The following ABCC8 variants were observed in gnomAD, a reference collection of about 807,000 sequenced individuals.
The protein encoded by ABCC8 is ATP-binding cassette sub-family C member 8.
A neutral mutation model predicts 188.0 loss-of-function variants in ABCC8; 137 were observed. That is an observed-to-expected ratio of 0.73 (90% CI 0.63 to 0.84). ABCC8 has a LOEUF of 0.84. Ranked by LOEUF, ABCC8 falls within the 40% of genes least tolerant of loss-of-function variation. ABCC8 has a pLI of 0.00. For synonymous variants in ABCC8, 797 were observed against 846.5 expected (o/e 0.94, Z 1.01); for missense variants, 1,750 against 2,072.7 (o/e 0.84, Z 3.02).
intron 6 of ABCC8, among the ~76,000 whole-genome samples, chr11:17,454,555 T>A (rs867479225): frequency 1.2e-4 from 18 of 151,664 alleles, no homozygotes; most frequent in Middle Eastern, 6.8e-3. Context: ...AGGGCAGGGG[T>A]GGGCTGGAAG....
At chr11:17,422,286 A>G (rs527807620) in intron 16 of ABCC8, among the ~76,000 whole-genome samples, 1 of 152,302 alleles carries the variant, frequency 6.6e-6, no homozygotes, top group East Asian at 1.9e-4. Flanking sequence ...CCTAGCCACT[A>G]TAAGGAGCTG....
At chr11:17,394,708 C>T (rs919893038) in intron 36 of ABCC8, among the ~76,000 whole-genome samples, 15 of 152,110 alleles carry the variant, frequency 9.9e-5, no homozygotes, top group African/African-American at 3.6e-4. Flanking sequence ...TAGGGTGATT[C>T]ATTGAAACCA....
At chr11:17,416,511 A>G (rs1955080927) in intron 17 of ABCC8, among the ~76,000 whole-genome samples, 1 of 152,166 alleles carries the variant, frequency 6.6e-6, no homozygotes, top group Non-Finnish European at 1.5e-5. Flanking sequence ...TGAAACTAAA[A>G]GTACGTTCAC....
Position 17,430,875 on chromosome 11 carries a change from A to C in ABCC8, c.1756T>G (p.Leu586Val). The change falls in exon 12 of 39, where the codon TTG (leucine) becomes GTG (valine). Residue 586 changes from leucine (L) to valine (V), a missense_variant. Leu to Val is a conservative substitution (Grantham distance 32). Coordinates refer to ENST00000389817, the MANE Select transcript of ABCC8 (RefSeq NM_000352.6). ...AFASLSLFHI[L>V]VTPLFLLSSV... ...GACAGCAGGAACAGCGGTGTGACCA[A>C]GATATGGAAGAGGGAGAGGGAGGCA... 1 of 1,614,222 alleles carries C rather than the reference A, an allele frequency of 6.2e-7. No individual in the cohort carries two copies. Among genetic ancestry groups the C allele is most frequent in the South Asian group, 1.1e-5 (1 of 91,086 alleles).
intron 8 of ABCC8, among the ~76,000 whole-genome samples, chr11:17,446,450 A>C (rs146290466): frequency 6.6e-6 from 1 of 152,160 alleles, no homozygotes; most frequent in Non-Finnish European, 1.5e-5. Flanking sequence ...GTTTCAAAAA[A>C]AAAATTGTGT....
intron 16 of ABCC8, among the ~76,000 whole-genome samples, chr11:17,422,667 AGTCT>A (rs1049636596): frequency 6.6e-6 from 1 of 152,048 alleles, no homozygotes; most frequent in Non-Finnish European, 1.5e-5. Context: ...CCCTTCCTAC[AGTCT>A]GTCTGTCTTT....
chr11:17,449,117 G>A (rs1002915727), intron 7 of ABCC8, among the ~76,000 whole-genome samples: 1 of 152,112 alleles, frequency 6.6e-6, no homozygotes, highest in Non-Finnish European at 1.5e-5. Flanking sequence ...TAGCAGAGAT[G>A]GGGTTTTGCC....
At chr11:17,454,478 C>A (rs1342164229) in intron 6 of ABCC8, among the ~76,000 whole-genome samples, 1 of 152,096 alleles carries the variant, frequency 6.6e-6, no homozygotes. Flanking sequence ...GAAGGCCCTA[C>A]CGAGGCTCTC....
chr11:17,449,591 A>C (rs1956679865), intron 7 of ABCC8, among the ~76,000 whole-genome samples: 1 of 152,214 alleles, frequency 6.6e-6, no homozygotes, highest in African/African-American at 2.4e-5. Context: ...GTGCAGAGTG[A>C]TCATGACTCG....
At chr11:17,397,957 G>C (rs960400299) in intron 30 of ABCC8, 160 bp from the exon 31 acceptor site, 2 of 922,006 alleles carry the variant, frequency 2.2e-6, no homozygotes, top group African/African-American at 1.8e-5. Context: ...GGCTGCGAAG[G>C]CTGGAGCCCC....
chr11:17,433,340 A>G (rs1955932600), intron 10 of ABCC8, among the ~76,000 whole-genome samples: 1 of 152,270 alleles, frequency 6.6e-6, no homozygotes, highest in Non-Finnish European at 1.5e-5. Context: ...GTCAGGAGCC[A>G]GAAGCCAGAG....
At chr11:17,474,538 G>C (rs1848652025) in intron 2 of ABCC8, among the ~76,000 whole-genome samples, 1 of 93,900 alleles carries the variant, frequency 1.1e-5, no homozygotes, top group Non-Finnish European at 2.2e-5. Context: ...TGGGTGGCAT[G>C]GTTAGATTTT....
At chr11:17,397,655 C>G in intron 31 of ABCC8, 29 bp downstream of exon 31, 1 of 1,605,994 alleles carries the variant, frequency 6.2e-7, no homozygotes, top group Non-Finnish European at 8.5e-7. Flanking sequence ...TGTCTGACCC[C>G]TCCTCTGCCC....
intron 6 of ABCC8, among the ~76,000 whole-genome samples, chr11:17,458,334 T>C (rs1240098566): frequency 6.6e-6 from 1 of 152,126 alleles, no homozygotes; most frequent in Non-Finnish European, 1.5e-5. Context: ...GGTTTGTGTA[T>C]AAACAAAGAG....
Position 17,407,419 on chromosome 11 carries a change from G to T in ABCC8, c.2855C>A (p.Pro952His). ...GGACATGGCACGAGATAGGCCCTGG[G>T]GTGGCTCTGTGGCTTTTCTCTCTGT... ...TVTERKATEP[P>H]QGLSRAMSSR... is the part of the protein sequence containing the mutation. The change falls in exon 24 of 39, where the codon CCC becomes CAC. Residue 952 changes from proline to histidine, a missense_variant. Pro to His is a moderately conservative substitution (Grantham distance 77). Transcript: ENST00000389817. 1.9e-6 allele frequency: 3 copies of T among 1,614,120 alleles called. No individual in the cohort carries two copies. The highest frequency in any genetic ancestry group is 1.6e-4 in the Middle Eastern group (1 of 6,062).
At chr11:17,442,982 T>C (rs953701470) in intron 9 of ABCC8, 100 bp from the exon 10 acceptor site, 9 of 1,584,714 alleles carry the variant, frequency 5.7e-6, no homozygotes, top group Admixed American at 5.0e-5. Flanking sequence ...GCCCGCCTCC[T>C]GTCCTCACCG....
rs1385582019 is a variant in ABCC8, at chr11:17,434,626, C to T, written c.1631-2382G>A. ...TGGGGGAGATTTTGCAGTCAGAAAA[C>T]GTGATAATTGACACTTCATTCTACT... On this transcript the variant is annotated intron_variant, in intron 10 of 38. Coordinates refer to ENST00000389817, the MANE Select transcript of ABCC8 (RefSeq NM_000352.6). 5.3e-5 allele frequency among the ~76,000 whole-genome samples: 8 copies of T among 152,128 alleles called. No individual in the cohort carries two copies. In the East Asian group the frequency reaches 7.7e-4, roughly 15 times the overall value.
intron 36 of ABCC8, 100 bp from the exon 37 acceptor site, chr11:17,394,499 G>A: frequency 2.5e-6 from 4 of 1,583,910 alleles, no homozygotes; most frequent in South Asian, 1.1e-5. Context: ...ATGTGTGCAT[G>A]GGGGCAAATA....
chr11:17,455,455 T>G (rs1252315692), intron 6 of ABCC8, among the ~76,000 whole-genome samples: 1 of 152,206 alleles, frequency 6.6e-6, no homozygotes, highest in Admixed American at 6.5e-5. Flanking sequence ...TGCAAAACCT[T>G]TGACTTCCTC....
Sources: gnomAD v4.1 joint callset for allele counts (sites outside exome capture counted in the v4.1 genomes callset) on GRCh38, gnomAD v4.1.1 for gene constraint, MANE v1.5 for transcripts, NCBI Gene and HGNC (gene_info 2026-07-23, HGNC 2026-07-21) for gene names.